RFT1: variants seen among roughly 807,000 people sequenced by gnomAD.
RFT1 encodes the protein man(5)GlcNAc(2)-PP-dolichol translocation protein RFT1.
RFT1 carries 43 observed loss-of-function variants against 62.2 expected under a neutral mutation model. That is an observed-to-expected ratio of 0.69 (90% confidence interval 0.54 to 0.89). The LOEUF (loss-of-function observed/expected upper bound fraction) is 0.89. Ranked by LOEUF, RFT1 falls within the 40% of genes least tolerant of loss-of-function variation. RFT1 has a pLI of 0.00. For synonymous variants in RFT1, 262 were observed against 264.6 expected (o/e 0.99, Z 0.10); for missense variants, 605 against 649.9 (o/e 0.93, Z 0.75).
downstream of RFT1, among the ~76,000 whole-genome samples, chr3:53,083,820 C>T (rs1214384227): frequency 2.6e-5 from 4 of 152,268 alleles, no homozygotes; most frequent in African/African-American, 9.6e-5. Flanking sequence ...ATCTGCACAT[C>T]TGCGAGAACA....
At position 53,107,913 on chromosome 3, in the gene RFT1, C is replaced by G. The variant is rs75830278; in HGVS notation, c.776-1044G>C. Among the ~76,000 whole-genome samples the G allele has an allele frequency of 2.4e-4, 37 of 152,312 alleles. No homozygotes were observed. The East Asian group carries it at 6.8e-3, about 28-fold the overall frequency. On this transcript the variant is annotated intron_variant, in intron 7 of 12. Coordinates refer to ENST00000296292, the MANE Select transcript of RFT1 (RefSeq NM_052859.4). ...TCTTCTCTCAAGACTTTCTCCCACC[C>G]TGACTCTCTCTCCAAGCCCCTGCCA...
chr3:53,104,752 T>C (rs188447025), intron 9 of RFT1, among the ~76,000 whole-genome samples: 218 of 152,370 alleles, frequency 1.4e-3, no homozygotes, highest in African/African-American at 4.6e-3. Flanking sequence ...ACTAGCTTGC[T>C]ATTCTAAGAA....
intron 7 of RFT1, among the ~76,000 whole-genome samples, chr3:53,107,256 C>T (rs1247442655): frequency 6.6e-6 from 1 of 151,552 alleles, no homozygotes; most frequent in East Asian, 1.9e-4. Context: ...CTGCCTCAGT[C>T]TCCCGAGCAG....
chr3:53,118,689 G>T (rs1701876980), intron 6 of RFT1, among the ~76,000 whole-genome samples: 1 of 152,094 alleles, frequency 6.6e-6, no homozygotes, highest in African/African-American at 2.4e-5. Context: ...CAGAATGGAG[G>T]AGCTCATGAA....
the RFT1 span, among the ~76,000 whole-genome samples, chr3:53,078,501 T>C: frequency 1.3e-5 from 2 of 152,102 alleles, no homozygotes; most frequent in African/African-American, 2.4e-5. Flanking sequence ...GTAATCCCAG[T>C]ACTTTAGGAG....
chr3:53,069,742 G>A, the RFT1 span, among the ~76,000 whole-genome samples: 1 of 152,148 alleles, frequency 6.6e-6, no homozygotes, highest in Non-Finnish European at 1.5e-5. Flanking sequence ...ACTTCCCAGC[G>A]CCTCCCCGTA....
intron 10 of RFT1, among the ~76,000 whole-genome samples, chr3:53,102,698 C>T (rs575245139): frequency 6.6e-6 from 1 of 152,316 alleles, no homozygotes; most frequent in Admixed American, 6.5e-5. Context: ...GTCCGAGTCC[C>T]ACATCTGGAG....
At chr3:53,107,982 GTC>G (rs995713029) in intron 7 of RFT1, among the ~76,000 whole-genome samples, 27 of 152,168 alleles carry the variant, frequency 1.8e-4, no homozygotes, top group Non-Finnish European at 3.5e-4. Context: ...ACAGGCCTGT[GTC>G]TCTGTGCTGC....
At chr3:53,085,709 A>G (rs545600205), downstream of RFT1, 22 of 152,362 alleles carry the variant, frequency 1.4e-4, no homozygotes, top group African/African-American at 5.1e-4. Context: ...TTTGCCGAGC[A>G]TCTATGACTT....
In RFT1 at chr3:53,120,014, T is replaced by C. The variant is rs1188445777; in HGVS notation, c.566A>G (p.Tyr189Cys). 5 of 1,592,560 alleles carry C rather than the reference T, an allele frequency of 3.1e-6. No homozygotes were observed. The highest frequency in any genetic ancestry group is 2.3e-5 in the South Asian group (2 of 87,376). Reference protein sequence around the residue: ...LYIFSLAQLFYTTVLVLCYVI... With the variant: ...LYIFSLAQLFCTTVLVLCYVI... ...ATAGCAGAGCACCAGAACTGTGGTATAGAAAAGCTGAGAAAAAAAATAAAC... is the reference window on the plus strand; with the variant it reads ...ATAGCAGAGCACCAGAACTGTGGTACAGAAAAGCTGAGAAAAAAAATAAAC... The change falls in exon 6 of 13, where the codon TAT (tyrosine) becomes TGT (cysteine). Residue 189 changes from tyrosine to cysteine, a missense_variant. By Grantham distance (194) the Tyr-to-Cys change is radical. Transcript: ENST00000296292.
Position 53,091,618 on chromosome 3 carries a change from T to G in RFT1, c.*285A>C. On this transcript the variant is annotated 3_prime_UTR_variant, in exon 13 of 13. Transcript: ENST00000296292. ...AAAGGCCAATCATACGCAAAAGGAA[T>G]GAGTATATTAGTAAAAGAGAAAATG... 1 of 425,706 alleles carries G rather than the reference T, an allele frequency of 2.3e-6. No individual in the cohort carries two copies. Among genetic ancestry groups the G allele is most frequent in the South Asian group, 2.4e-5 (1 of 41,614 alleles). 26.4% of individuals were successfully genotyped at this position (425,706 alleles called of 1,614,324 possible). A position where few individuals can be genotyped will look rare whatever the true frequency, so the allele number is the denominator to read the frequency against.
chr3:53,075,023 C>G, the RFT1 span, among the ~76,000 whole-genome samples: 1 of 152,168 alleles, frequency 6.6e-6, no homozygotes, highest in South Asian at 2.1e-4. Flanking sequence ...CTGCATGGCT[C>G]AGGCCCTCAG....
chr3:53,128,225 G>A (rs976276322), intron 1 of RFT1, among the ~76,000 whole-genome samples: 1 of 152,170 alleles, frequency 6.6e-6, no homozygotes, highest in Non-Finnish European at 1.5e-5. Flanking sequence ...TTGGGCCCGG[G>A]AGGCGGATGT....
downstream of RFT1, among the ~76,000 whole-genome samples, chr3:53,084,658 C>T (rs1161313240): frequency 3.9e-5 from 6 of 152,132 alleles, no homozygotes; most frequent in African/African-American, 9.7e-5. Context: ...GGTGAGAGGC[C>T]GCTGGGAAGG....
At chr3:53,114,541 G>A (rs1701740230) in intron 6 of RFT1, among the ~76,000 whole-genome samples, 1 of 152,120 alleles carries the variant, frequency 6.6e-6, no homozygotes, top group Admixed American at 6.5e-5. Context: ...TGCAGGCAGG[G>A]GCTGAGTGGT....
the RFT1 span, among the ~76,000 whole-genome samples, chr3:53,074,247 C>A: frequency 1.3e-5 from 2 of 152,178 alleles, no homozygotes; most frequent in African/African-American, 4.8e-5. Flanking sequence ...TAAACCTGGC[C>A]CTACCAGCAT....
At chr3:53,101,383 A>G (rs1701308555) in intron 10 of RFT1, among the ~76,000 whole-genome samples, 1 of 152,180 alleles carries the variant, frequency 6.6e-6, no homozygotes, top group Non-Finnish European at 1.5e-5. Context: ...GAAGCAGAGA[A>G]GAGTGGGGGG....
At chr3:53,098,626 C>A (rs951102435) in intron 11 of RFT1, among the ~76,000 whole-genome samples, 2 of 151,856 alleles carry the variant, frequency 1.3e-5, no homozygotes, top group Non-Finnish European at 2.9e-5. Flanking sequence ...CACGGTGAAA[C>A]CCCATCTCTA....
At chr3:53,107,441 AAAT>A (rs1701518750) in intron 7 of RFT1, among the ~76,000 whole-genome samples, 1 of 152,026 alleles carries the variant, frequency 6.6e-6, no homozygotes, top group Admixed American at 6.6e-5. Context: ...CCAGCCCTAA[AAAT>A]AAGTTTTTAA....
Sources: gnomAD v4.1 joint callset for allele counts (sites outside exome capture counted in the v4.1 genomes callset) on GRCh38, gnomAD v4.1.1 for gene constraint, MANE v1.5 for transcripts, NCBI Gene and HGNC (gene_info 2026-07-23, HGNC 2026-07-21) for gene names.